Variants in MCF2L2 observed in about 807,000 individuals in gnomAD.
The protein encoded by MCF2L2 is probable guanine nucleotide exchange factor MCF2L2.
Under a neutral mutation model 150.2 loss-of-function variants are expected in MCF2L2, and 102 were observed. That is an observed-to-expected ratio of 0.68 (90% CI 0.58 to 0.80). The LOEUF (loss-of-function observed/expected upper bound fraction) is 0.80, where lower values mean the gene tolerates loss of function less well. MCF2L2 is among the 30% of genes least tolerant of loss of function. MCF2L2 has a pLI of 0.00. For missense variants in MCF2L2, 1,256 were observed against 1,372.8 expected, an observed-to-expected ratio of 0.91 and a Z score of 1.34; for synonymous variants, 465 against 491.3, an observed-to-expected ratio of 0.95 and a Z score of 0.71.
chr3:183,298,625 G>C (rs953381047), intron 11 of MCF2L2: 1 of 152,012 alleles, frequency 6.6e-6, no homozygotes, highest in African/African-American at 2.4e-5. Flanking sequence ...CTCATGCTTT[G>C]ATATATGCTG....
At chr3:183,323,500 A>C (rs1729899615) in intron 5 of MCF2L2, 149 bp from the exon 6 acceptor site, 1 of 349,110 alleles carries the variant, frequency 2.9e-6, no homozygotes, top group South Asian at 6.9e-5. Context: ...TTATATTTAA[A>C]AATGGTTACA....
intron 15 of MCF2L2, among the ~76,000 whole-genome samples, chr3:183,255,201 C>T (rs1724929646): frequency 6.6e-6 from 1 of 152,098 alleles, no homozygotes; most frequent in Non-Finnish European, 1.5e-5. Context: ...CGAAGTTGAC[C>T]CAGAAAAGGA....
chr3:183,269,286 G>T (rs1358037848), intron 15 of MCF2L2, among the ~76,000 whole-genome samples: 1 of 139,910 alleles, frequency 7.1e-6, no homozygotes, highest in East Asian at 2.3e-4. Context: ...TACTCTGAAT[G>T]GGAAGACAGT....
chr3:183,264,401 A>G (rs1725908613), intron 15 of MCF2L2, among the ~76,000 whole-genome samples: 1 of 152,166 alleles, frequency 6.6e-6, no homozygotes, highest in Non-Finnish European at 1.5e-5. Context: ...ACTGTACCTT[A>G]CCAGGATTTG....
intron 25 of MCF2L2, among the ~76,000 whole-genome samples, chr3:183,196,326 C>T (rs139509900): frequency 6.6e-6 from 1 of 152,174 alleles, no homozygotes; most frequent in African/African-American, 2.4e-5. Context: ...GGCCAGTGTA[C>T]AGGGTTATTA....
Position 183,318,061 on chromosome 3 carries a change from C to A in MCF2L2, c.753+7G>T. 4 of 1,612,872 alleles carry A rather than the reference C, an allele frequency of 2.5e-6. No homozygotes were observed. Among genetic ancestry groups the A allele is most frequent in the Non-Finnish European group, 3.4e-6 (4 of 1,179,556 alleles). ...CACTGGCCTCTGAGAGGTCACTGAC[C>A]GCTCACCTGCAGCTTGTCCCGCTGC... On this transcript the variant is annotated splice_region_variant and intron_variant, in intron 7 of 29. Coordinates refer to ENST00000328913, the MANE Select transcript of MCF2L2 (RefSeq NM_015078.4).
chr3:183,210,575 T>C (rs934998182), intron 22 of MCF2L2, among the ~76,000 whole-genome samples: 1 of 152,218 alleles, frequency 6.6e-6, no homozygotes, highest in Non-Finnish European at 1.5e-5. Context: ...GTAAAGCTGC[T>C]TGTAAGAACA....
At chr3:183,405,078 AG>A (rs1714973919) in intron 1 of MCF2L2, among the ~76,000 whole-genome samples, 1 of 152,314 alleles carries the variant, frequency 6.6e-6, no homozygotes, top group East Asian at 1.9e-4. Context: ...TGTACAGTAT[AG>A]TTTTCATAAG....
chr3:183,423,644 T>G lies in MCF2L2; in HGVS notation c.76+4258A>C, dbSNP rs1181790348. 6.2e-5 allele frequency among the ~76,000 whole-genome samples: 9 copies of G among 144,252 alleles called. No individual in the cohort carries two copies. The East Asian group carries it at 1.2e-3, about 19-fold the overall frequency. The allele number at this position is 144,252 out of a possible 152,430, so 94.6% of individuals were successfully genotyped here. On this transcript the variant is annotated intron_variant, in intron 1 of 29. Transcript: ENST00000328913. ...TTAAATTTTATTTGTTTTTTTTTTT[T>G]TTTTTTTTTTTTGAGACACAGTCTT... is the stretch of plus-strand genomic sequence containing the variant.
chr3:183,401,005 G>A (rs1714724191), intron 1 of MCF2L2, among the ~76,000 whole-genome samples: 1 of 152,096 alleles, frequency 6.6e-6, no homozygotes, highest in South Asian at 2.1e-4. Context: ...CACGGCAAAC[G>A]GTAAAGGTTC....
At chr3:183,294,690 G>A (rs1164260747) in intron 13 of MCF2L2, among the ~76,000 whole-genome samples, 1 of 148,368 alleles carries the variant, frequency 6.7e-6, no homozygotes, top group African/African-American at 2.5e-5. Context: ...GTGCAGTGGC[G>A]CCATCTCCGC....
Position 183,379,390 on chromosome 3 carries a change from G to A in MCF2L2, c.182C>T (p.Ala61Val). ...AAACTCTGGGAACGTGATGATGGGG[G>A]CGCCATCCTCCCCTCGGCCTCCTGC... is the stretch of plus-strand genomic sequence containing the variant. ...ILSGGRGEDGAPIITFPEFSG... is the reference protein window; with the variant it reads ...ILSGGRGEDGVPIITFPEFSG... Residue 61 changes from alanine to valine, a missense_variant, in exon 3 of 30, where the codon GCC becomes GTC. Coordinates refer to ENST00000328913, the MANE Select transcript of MCF2L2 (RefSeq NM_015078.4). 1 of 1,610,124 alleles carries A rather than the reference G, an allele frequency of 6.2e-7. No homozygotes were observed. The highest frequency in any genetic ancestry group is 8.5e-7 in the Non-Finnish European group (1 of 1,178,296).
chr3:183,386,765 T>C (rs759748671), intron 2 of MCF2L2, among the ~76,000 whole-genome samples: 5 of 152,190 alleles, frequency 3.3e-5, no homozygotes, highest in Non-Finnish European at 4.4e-5. Flanking sequence ...CAGCAACAAC[T>C]ATACAGGCCC....
At chr3:183,309,660 C>T in intron 10 of MCF2L2, 56 bp downstream of exon 10, 1 of 1,608,506 alleles carries the variant, frequency 6.2e-7, no homozygotes, top group Non-Finnish European at 8.5e-7. Context: ...TGGACATGAT[C>T]CATCATTGTC....
intron 3 of MCF2L2, among the ~76,000 whole-genome samples, chr3:183,346,764 A>G (rs1730915825): frequency 6.6e-6 from 1 of 152,152 alleles, no homozygotes; most frequent in East Asian, 1.9e-4. Flanking sequence ...CTATTCACCA[A>G]CAATAGACAG....
At chr3:183,332,250 G>A (rs1363314563) in intron 5 of MCF2L2, among the ~76,000 whole-genome samples, 23 of 152,198 alleles carry the variant, frequency 1.5e-4, no homozygotes, top group Admixed American at 1.5e-3. Flanking sequence ...ACCAGGGAGT[G>A]TGACCTTGTG....
intron 3 of MCF2L2, among the ~76,000 whole-genome samples, chr3:183,349,343 T>C (rs1016433588): frequency 4.6e-5 from 7 of 152,242 alleles, no homozygotes; most frequent in African/African-American, 1.4e-4. Context: ...AATTTCTTCC[T>C]AAGCACTACT....
chr3:183,210,825 T>A (rs968354377), intron 22 of MCF2L2, among the ~76,000 whole-genome samples: 1 of 152,130 alleles, frequency 6.6e-6, no homozygotes, highest in Non-Finnish European at 1.5e-5. Context: ...CATCACCCCA[T>A]CCACAGCCAT....
chr3:183,341,603 A>G lies in MCF2L2; in HGVS notation c.303T>C (p.Ile101=), dbSNP rs765105855. 9.3e-6 allele frequency: 15 copies of G among 1,614,024 alleles called. No individual in the cohort carries two copies. The Admixed American group carries it at 1.8e-4, about 20-fold the overall frequency. The part of the protein sequence containing the change: ...PSVEAASIGF[I]VVIDRRRDKW... ...TGTCTCTTCGTCTGTCGATAACAAC[A>G]ATGAATCCAATGCTGGCAGCCTCCA... Residue 101 remains isoleucine (I), a synonymous_variant, in exon 4 of 30, where the codon ATT becomes ATC. Transcript: ENST00000328913.
Sources: gnomAD v4.1 joint callset for allele counts (sites outside exome capture counted in the v4.1 genomes callset) on GRCh38, gnomAD v4.1.1 for gene constraint, MANE v1.5 for transcripts, NCBI Gene and HGNC (gene_info 2026-07-23, HGNC 2026-07-21) for gene names.